The following INSL6 variants were observed in gnomAD, a reference collection of about 807,000 sequenced individuals.
INSL6 encodes the protein insulin like 6, also known as insulin-like peptide INSL6.
In INSL6, 16 loss-of-function variants were observed where a neutral mutation model predicts 9.4. The observed-to-expected ratio is 1.70, with a 90% confidence interval of 1.15 to 2.59. The LOEUF (loss-of-function observed/expected upper bound fraction) is 2.59, where lower values mean the gene tolerates loss of function less well. INSL6 is among the 30% of genes most tolerant of loss of function. The pLI, the probability that INSL6 is intolerant of heterozygous loss-of-function variation, is 0.00. For synonymous variants in INSL6, 154 were observed against 96.9 expected (o/e 1.59, Z -3.46); for missense variants, 391 against 257.3 (o/e 1.52, Z -3.56).
the INSL6 span, among the ~76,000 whole-genome samples, chr9:5,095,897 C>T: frequency 5.3e-5 from 8 of 152,176 alleles, no homozygotes; most frequent in African/African-American, 1.9e-4. Flanking sequence ...AGTATAAGCA[C>T]TACAACCCTG....
At chr9:5,117,412 C>G in the INSL6 span, among the ~76,000 whole-genome samples, 2 of 152,118 alleles carry the variant, frequency 1.3e-5, no homozygotes, top group Admixed American at 1.3e-4. Flanking sequence ...AACAGCAGTT[C>G]TGAAAGTGTG....
chr9:5,055,703 T>C, the INSL6 span: 113 of 1,586,122 alleles, frequency 7.1e-5, no homozygotes, highest in Non-Finnish European at 9.4e-5. Context: ...CCTAATATTA[T>C]TGATGTCAGT....
chr9:5,168,932 T>G (rs1320565785), intron 1 of INSL6, among the ~76,000 whole-genome samples: 3 of 151,862 alleles, frequency 2.0e-5, no homozygotes, highest in African/African-American at 7.3e-5. Context: ...ATTTGATTTT[T>G]TTTTTTTTTT....
chr9:5,112,579 C>T, the INSL6 span: 4 of 695,062 alleles, frequency 5.8e-6, no homozygotes, highest in East Asian at 5.8e-5. Context: ...GCTGCGGGTC[C>T]CTTAAGAGGG....
the INSL6 span, among the ~76,000 whole-genome samples, chr9:5,039,601 T>TA: frequency 6.6e-6 from 1 of 151,920 alleles, no homozygotes; most frequent in Admixed American, 6.6e-5. Context: ...AAGGAATTAA[T>TA]AAAAAAACTA....
At chr9:5,120,947 T>C (rs1447212479), downstream of INSL6, among the ~76,000 whole-genome samples, 1 of 152,216 alleles carries the variant, frequency 6.6e-6, no homozygotes. Context: ...GGAAATGTTC[T>C]AAAAGTCTGG....
At chr9:5,055,735 G>T in the INSL6 span, 1 of 1,609,470 alleles carries the variant, frequency 6.2e-7, no homozygotes, top group Non-Finnish European at 8.5e-7. Context: ...AAACCAAGAG[G>T]GTTCAAATGA....
intron 2 of INSL6, among the ~76,000 whole-genome samples, chr9:5,140,427 C>A (rs967170833): frequency 6.6e-6 from 1 of 152,070 alleles, no homozygotes; most frequent in Non-Finnish European, 1.5e-5. Flanking sequence ...ACTTTCTTTC[C>A]ATTCTCTTTC....
the INSL6 span, among the ~76,000 whole-genome samples, chr9:5,038,512 A>T: frequency 1.3e-5 from 2 of 152,312 alleles, no homozygotes; most frequent in East Asian, 3.9e-4. Flanking sequence ...AAAATCAACA[A>T]AATACTTGCA....
At chr9:5,138,342 T>C (rs1824425690) in intron 2 of INSL6, among the ~76,000 whole-genome samples, 1 of 152,188 alleles carries the variant, frequency 6.6e-6, no homozygotes, top group Admixed American at 6.5e-5. Flanking sequence ...CAAATGCCCA[T>C]CAGTGATAGA....
intron 2 of INSL6, among the ~76,000 whole-genome samples, chr9:5,134,717 C>T (rs193130599): frequency 4.6e-5 from 7 of 152,158 alleles, no homozygotes; most frequent in Non-Finnish European, 8.8e-5. Context: ...CAACCGGTAC[C>T]AGCCACTGCA....
intron 2 of INSL6, among the ~76,000 whole-genome samples, chr9:5,150,974 A>T (rs1824702074): frequency 6.6e-6 from 1 of 152,204 alleles, no homozygotes; most frequent in South Asian, 2.1e-4. Flanking sequence ...AAAATAACTA[A>T]GAAACAGAAA....
chr9:5,106,395 C>T, the INSL6 span, among the ~76,000 whole-genome samples: 2 of 152,164 alleles, frequency 1.3e-5, no homozygotes, highest in African/African-American at 4.8e-5. Flanking sequence ...AGACAGGAAA[C>T]AACAGATGCT....
chr9:5,013,096 C>A, the INSL6 span, among the ~76,000 whole-genome samples: 1 of 152,160 alleles, frequency 6.6e-6, no homozygotes, highest in African/African-American at 2.4e-5. Context: ...TGACCAAATT[C>A]TTTATTATCT....
intron 3 of INSL6, among the ~76,000 whole-genome samples, chr9:5,131,693 A>G (rs1305322769): frequency 6.6e-6 from 1 of 151,856 alleles, no homozygotes; most frequent in African/African-American, 2.4e-5. Flanking sequence ...AACCGCCTCA[A>G]CCTCCCAAAG....
the INSL6 span, among the ~76,000 whole-genome samples, chr9:5,071,547 G>C: frequency 2.0e-5 from 3 of 152,148 alleles, no homozygotes. Context: ...AGGATGAAAA[G>C]TAAATTACTT....
intron 3 of INSL6, among the ~76,000 whole-genome samples, chr9:5,124,788 A>T (rs973839575): frequency 6.6e-6 from 1 of 151,666 alleles, no homozygotes; most frequent in Non-Finnish European, 1.5e-5. Flanking sequence ...TGACAAAATC[A>T]ACAAGAACAT....
the INSL6 span, chr9:5,085,154 C>T: frequency 9.3e-6 from 6 of 648,322 alleles, no homozygotes; most frequent in African/African-American, 7.2e-5. Flanking sequence ...TACTGTGGAG[C>T]TCTGTCTACA....
At position 5,170,614 on chromosome 9, in the gene INSL6, T is replaced by C. The variant is rs1282993497; in HGVS notation, c.290-6349A>G. ...ACCACTAGGTAGGCTAATAAAGAAA[T>C]GAAAGAAGAATCAAATAGACACAAT... On this transcript the variant is annotated intron_variant, in intron 1 of 1. Coordinates refer to ENST00000381641, the MANE Select transcript of INSL6 (RefSeq NM_007179.3). Among the ~76,000 whole-genome samples the C allele has an allele frequency of 5.1e-5, 7 of 138,436 alleles. No individual in the cohort carries two copies. In the East Asian group the frequency reaches 1.4e-3, roughly 28 times the overall value. The allele number at this position is 138,436 out of a possible 152,430, so 90.8% of individuals were successfully genotyped here.
Sources: allele counts gnomAD v4.1 joint callset (sites outside exome capture counted in the v4.1 genomes callset), GRCh38; gene constraint gnomAD v4.1.1; transcripts MANE v1.5; gene names NCBI Gene and HGNC (gene_info 2026-07-23, HGNC 2026-07-21).